Variants in TMEM71 observed in about 807,000 individuals in gnomAD.
TMEM71 encodes the protein transmembrane protein 71.
Under a neutral mutation model 38.0 loss-of-function variants are expected in TMEM71, and 44 were observed. That is an observed-to-expected ratio of 1.16 (90% CI 0.91 to 1.49). TMEM71 has a LOEUF of 1.49. Among genes scored for constraint, TMEM71 ranks in the 40% most tolerant of loss-of-function variants. The pLI is 0.00. For missense variants in TMEM71, 367 were observed against 348.6 expected, an observed-to-expected ratio of 1.05 and a Z score of -0.42; for synonymous variants, 133 against 122.5, an observed-to-expected ratio of 1.09 and a Z score of -0.56.
chr8:132,711,284 C>T (rs1184208692), intron 9 of TMEM71, among the ~76,000 whole-genome samples: 2 of 152,154 alleles, frequency 1.3e-5, no homozygotes, highest in African/African-American at 2.4e-5. Flanking sequence ...CCTCTTCCCA[C>T]CTGCCCTTAT....
intron 3 of TMEM71, among the ~76,000 whole-genome samples, chr8:132,754,423 T>C (rs935931102): frequency 2.6e-5 from 4 of 152,236 alleles, no homozygotes; most frequent in Non-Finnish European, 5.9e-5. Context: ...ATTAAGACTT[T>C]GCAGATAGAG....
At chr8:132,706,955 C>T (rs761244843), downstream of TMEM71, among the ~76,000 whole-genome samples, 29 of 152,032 alleles carry the variant, frequency 1.9e-4, no homozygotes, top group African/African-American at 5.5e-4. Flanking sequence ...AAATTCAAAA[C>T]AAAAAACGAT....
the TMEM71 span, among the ~76,000 whole-genome samples, chr8:132,769,750 C>T: frequency 4.6e-5 from 7 of 152,168 alleles, no homozygotes; most frequent in Non-Finnish European, 8.8e-5. Context: ...CTTGGACTTC[C>T]CAGCCTCTAG....
chr8:132,747,633 T>C (rs1586802324), intron 4 of TMEM71, among the ~76,000 whole-genome samples: 1 of 152,252 alleles, frequency 6.6e-6, no homozygotes, highest in African/African-American at 2.4e-5. Flanking sequence ...GGATAAGTGC[T>C]CTGAAAGGAT....
Position 132,758,935 on chromosome 8 carries a change from A to G in TMEM71, c.-36-20T>C. The G allele has an allele frequency of 6.7e-7, 1 of 1,495,594 alleles. No individual in the cohort carries two copies. Among genetic ancestry groups the G allele is most frequent in the Non-Finnish European group, 9.3e-7 (1 of 1,072,836 alleles). The allele number at this position is 1,495,594 out of a possible 1,614,324, so 92.6% of individuals were successfully genotyped here. A position where few individuals can be genotyped will look rare whatever the true frequency, so the allele number is the denominator to read the frequency against. ...GATTCTCTGCAAAAGATGTTAAAAA[A>G]AAGGTGGACTATATATTAAAAATAG... On this transcript the variant is annotated intron_variant, in intron 1 of 9. Coordinates refer to ENST00000677595, the MANE Select transcript of TMEM71 (RefSeq NM_001382403.1).
chr8:132,711,139 C>T (rs1826212608), intron 9 of TMEM71, among the ~76,000 whole-genome samples, 157 bp from the exon 10 acceptor site: 1 of 152,152 alleles, frequency 6.6e-6, no homozygotes, highest in Non-Finnish European at 1.5e-5. Context: ...AGAGTGCAGC[C>T]TCAACTAAGG....
chr8:132,707,315 G>A (rs1179369287), downstream of TMEM71, among the ~76,000 whole-genome samples: 1 of 152,160 alleles, frequency 6.6e-6, no homozygotes, highest in African/African-American at 2.4e-5. Flanking sequence ...GGCAGCTGGA[G>A]GGCTCCTGAT....
chr8:132,725,395 T>C (rs1333408390), intron 6 of TMEM71, among the ~76,000 whole-genome samples: 2 of 152,064 alleles, frequency 1.3e-5, no homozygotes, highest in Non-Finnish European at 2.9e-5. Flanking sequence ...GTACAACCTT[T>C]TAAAGAGTAA....
At chr8:132,774,604 A>C in the TMEM71 span, among the ~76,000 whole-genome samples, 2 of 152,278 alleles carry the variant, frequency 1.3e-5, no homozygotes, top group Admixed American at 1.3e-4. Flanking sequence ...AGAGTGGTAC[A>C]GTGGAAACCA....
At chr8:132,744,453 T>C (rs1272663953) in intron 5 of TMEM71, among the ~76,000 whole-genome samples, 1 of 151,976 alleles carries the variant, frequency 6.6e-6, no homozygotes, top group African/African-American at 2.4e-5. Context: ...AAAAATAATA[T>C]AACTGGGAAT....
In TMEM71 at chr8:132,724,446, C is replaced by T. The variant is rs149304409; in HGVS notation, c.677-2331G>A. On this transcript the variant is annotated intron_variant, in intron 6 of 9. Coordinates refer to ENST00000677595, the MANE Select transcript of TMEM71 (RefSeq NM_001382403.1). Reference sequence around the variant, plus strand: ...AAAGAATTTAGCGATGTCTCTCCTACTTGCACATCCATTTATAGGCTCTCT... The same window carrying T: ...AAAGAATTTAGCGATGTCTCTCCTATTTGCACATCCATTTATAGGCTCTCT... Among the ~76,000 whole-genome samples, 39 of 152,294 alleles carry T rather than the reference C, an allele frequency of 2.6e-4. No homozygotes were observed. In the South Asian group the frequency reaches 7.7e-3, roughly 30 times the overall value.
chr8:132,712,224 A>T (rs1330172163), intron 9 of TMEM71, among the ~76,000 whole-genome samples: 1 of 152,172 alleles, frequency 6.6e-6, no homozygotes, highest in South Asian at 2.1e-4. Context: ...AAACAGGAAA[A>T]AATGGAGTTG....
chr8:132,706,730 A>G (rs914262979), downstream of TMEM71, among the ~76,000 whole-genome samples: 2 of 152,158 alleles, frequency 1.3e-5, no homozygotes, highest in Admixed American at 1.3e-4. Context: ...TTCCTATAAA[A>G]TCTGAACCAC....
chr8:132,724,949 C>G (rs926179877), intron 6 of TMEM71, among the ~76,000 whole-genome samples: 2 of 152,164 alleles, frequency 1.3e-5, no homozygotes, highest in Admixed American at 1.3e-4. Flanking sequence ...TAATCTCTTT[C>G]TGCAGAACTG....
intron 1 of TMEM71, chr8:132,759,160 C>T: frequency 9.6e-6 from 3 of 311,628 alleles, no homozygotes; most frequent in Non-Finnish European, 1.7e-5. Context: ...TAAATAAGAA[C>T]CACACTTTAT....
intron 5 of TMEM71, among the ~76,000 whole-genome samples, chr8:132,729,862 A>G (rs1265795109): frequency 6.6e-6 from 1 of 152,216 alleles, no homozygotes; most frequent in African/African-American, 2.4e-5. Context: ...CACTAGTTCT[A>G]GGAGAAGGCA....
intron 3 of TMEM71, among the ~76,000 whole-genome samples, chr8:132,752,725 C>A (rs1188510312): frequency 6.7e-6 from 1 of 148,438 alleles, no homozygotes; most frequent in African/African-American, 2.5e-5. Context: ...GCCTGGGCAC[C>A]ATAGCAAAGA....
At chr8:132,757,780 C>T (rs1418835375) in intron 2 of TMEM71, among the ~76,000 whole-genome samples, 1 of 147,110 alleles carries the variant, frequency 6.8e-6, no homozygotes, top group Non-Finnish European at 1.5e-5. Context: ...GAGCTGAGAT[C>T]GCTCCACTGC....
chr8:132,711,884 T>C (rs1297427936), intron 9 of TMEM71, among the ~76,000 whole-genome samples: 4 of 152,062 alleles, frequency 2.6e-5, no homozygotes, highest in Admixed American at 6.6e-5. Flanking sequence ...CTGAATTCAG[T>C]TCCTTAGATT....
Sources: allele counts gnomAD v4.1 joint callset (sites outside exome capture counted in the v4.1 genomes callset), GRCh38; gene constraint gnomAD v4.1.1; transcripts MANE v1.5; gene names NCBI Gene and HGNC (gene_info 2026-07-23, HGNC 2026-07-21).